The following RUBCN variants were observed in gnomAD, a reference collection of about 807,000 sequenced individuals.
RUBCN encodes run domain Beclin-1-interacting and cysteine-rich domain-containing protein.
A neutral mutation model predicts 113.2 loss-of-function variants in RUBCN; 74 were observed. That is an observed-to-expected ratio of 0.65 (90% confidence interval 0.54 to 0.79). RUBCN has a LOEUF of 0.79. Among genes scored for constraint, RUBCN ranks in the 30% least tolerant of loss-of-function variants. The pLI, the probability that RUBCN is intolerant of heterozygous loss-of-function variation, is 0.00. For synonymous variants in RUBCN, 480 were observed against 490.0 expected (o/e 0.98, Z 0.27); for missense variants, 1,109 against 1,251.7 (o/e 0.89, Z 1.72).
At chr3:197,735,372 T>TG (rs1250596081) in intron 1 of RUBCN, among the ~76,000 whole-genome samples, 13 of 152,370 alleles carry the variant, frequency 8.5e-5, no homozygotes, top group African/African-American at 3.1e-4. Flanking sequence ...GCGCTCAGCC[T>TG]GGGGGACAGG....
intron 11 of RUBCN, among the ~76,000 whole-genome samples, chr3:197,685,561 C>T (rs151212980): frequency 1.3e-5 from 2 of 152,288 alleles, no homozygotes; most frequent in East Asian, 3.9e-4. Flanking sequence ...CATATACAAA[C>T]ATATACTCAA....
At chr3:197,728,554 C>T (rs1329361951) in intron 1 of RUBCN, among the ~76,000 whole-genome samples, 1 of 152,210 alleles carries the variant, frequency 6.6e-6, no homozygotes, top group African/African-American at 2.4e-5. Flanking sequence ...CCAATGACAA[C>T]AGTTCCACTA....
rs374401834 is a variant in RUBCN, at chr3:197,717,984, C to T, written c.212G>A (p.Arg71His). 3.3e-5 allele frequency: 53 copies of T among 1,613,866 alleles called. No homozygotes were observed. In the African/African-American group the frequency reaches 4.4e-4, roughly 13 times the overall value. ...MQSILYHGLI[R>H]DQACRRQTDY... ...AAAAGGAGTTCTGCATACCTGGTCACGGATAAGCCCGTGATAGAGGATGCT... is the reference window on the plus strand; with the variant it reads ...AAAAGGAGTTCTGCATACCTGGTCATGGATAAGCCCGTGATAGAGGATGCT... Residue 71 changes from arginine (R) to histidine (H), a missense_variant, in exon 2 of 20, where the codon CGT becomes CAT. Physicochemically the swap from Arg to His is conservative, Grantham distance 29. Transcript: ENST00000296343.
At chr3:197,717,891 T>A in intron 2 of RUBCN, 86 bp downstream of exon 2, 1 of 1,459,858 alleles carries the variant, frequency 6.8e-7, no homozygotes, top group Non-Finnish European at 9.6e-7. Context: ...CACAGACCAG[T>A]GGCCTTCATC....
chr3:197,730,092 G>A (rs1727243278), intron 1 of RUBCN, among the ~76,000 whole-genome samples: 1 of 152,196 alleles, frequency 6.6e-6, no homozygotes, highest in South Asian at 2.1e-4. Context: ...AGAAGCTACT[G>A]AGGTAATCCC....
intron 2 of RUBCN, among the ~76,000 whole-genome samples, chr3:197,716,726 A>G (rs1032050752): frequency 6.6e-6 from 1 of 152,160 alleles, no homozygotes; most frequent in Non-Finnish European, 1.5e-5. Context: ...TGGATTGTCC[A>G]TGTGGGCCCA....
At chr3:197,723,988 C>CT (rs1726455083) in intron 1 of RUBCN, among the ~76,000 whole-genome samples, 1 of 152,048 alleles carries the variant, frequency 6.6e-6, no homozygotes, top group Non-Finnish European at 1.5e-5. Flanking sequence ...ATCCCAGCTA[C>CT]TCGAGAGGCT....
In RUBCN at chr3:197,736,677, C is replaced by G. The variant is rs1046937573; in HGVS notation, c.43G>C (p.Glu15Gln). ...CACCTGCTCTCCTCAGGCAGGCGCTCCTCGCCGCCTCCGAGCTCCATTCCC... is the reference window on the plus strand; with the variant it reads ...CACCTGCTCTCCTCAGGCAGGCGCTGCTCGCCGCCTCCGAGCTCCATTCCC... The part of the protein sequence containing the change: ...GAGMELGGGE[E>Q]RLPEESRREH... The change falls in exon 1 of 20, where the codon GAG becomes CAG. Residue 15 changes from glutamate to glutamine, a missense_variant. Around this residue, in one of 3 missense-constraint regions of RUBCN, gnomAD observed 736 missense variants for 779.6 expected, o/e 0.94. Coordinates refer to ENST00000296343, the MANE Select transcript of RUBCN (RefSeq NM_014687.4). 9.1e-6 allele frequency: 14 copies of G among 1,532,458 alleles called. No homozygotes were observed. The highest frequency in any genetic ancestry group is 1.1e-5 in the Non-Finnish European group (13 of 1,146,112). 94.9% of individuals were successfully genotyped at this position (1,532,458 alleles called of 1,614,324 possible).
intron 1 of RUBCN, among the ~76,000 whole-genome samples, chr3:197,725,897 C>T (rs1035209965): frequency 6.6e-6 from 1 of 152,072 alleles, no homozygotes; most frequent in African/African-American, 2.4e-5. Flanking sequence ...ACTTTGCTGC[C>T]CAGTACTCCT....
At chr3:197,749,289 G>A in exon 1 of RUBCN, 1 of 1,077,372 alleles carries the variant, frequency 9.3e-7, no homozygotes, top group South Asian at 2.4e-5. Context: ...GGAAGCTGAG[G>A]TCTTATTAGG....
At chr3:197,732,830 G>C (rs1727674215) in intron 1 of RUBCN, among the ~76,000 whole-genome samples, 1 of 152,212 alleles carries the variant, frequency 6.6e-6, no homozygotes, top group Non-Finnish European at 1.5e-5. Context: ...AGGAGCCACT[G>C]AAAGAGGAAG....
intron 16 of RUBCN, among the ~76,000 whole-genome samples, chr3:197,678,327 C>T (rs185288440): frequency 0.013 from 1,848 of 139,136 alleles, 44 homozygotes; most frequent in African/African-American, 0.048. Context: ...TGCTCTAACT[C>T]GACAACTGGC....
intron 2 of RUBCN, among the ~76,000 whole-genome samples, chr3:197,708,450 T>C (rs983255470): frequency 2.6e-5 from 4 of 151,484 alleles, no homozygotes; most frequent in African/African-American, 9.7e-5. Context: ...TGTAAACAAC[T>C]TGAACATTTA....
At chr3:197,730,290 A>G (rs1039048858) in intron 1 of RUBCN, among the ~76,000 whole-genome samples, 5 of 152,166 alleles carry the variant, frequency 3.3e-5, no homozygotes, top group Non-Finnish European at 4.4e-5. Flanking sequence ...CTTAGGCCTG[A>G]CTAAGCAGAA....
intron 7 of RUBCN, among the ~76,000 whole-genome samples, chr3:197,697,660 G>A (rs1410164318): frequency 1.3e-5 from 2 of 152,206 alleles, no homozygotes; most frequent in African/African-American, 2.4e-5. Context: ...CAATGCCTGG[G>A]ACAGGAAGAG....
chr3:197,727,935 T>C (rs1726940569), intron 1 of RUBCN, among the ~76,000 whole-genome samples: 1 of 152,264 alleles, frequency 6.6e-6, no homozygotes, highest in African/African-American at 2.4e-5. Context: ...AGTGTTTCAG[T>C]CTTTTCAGTT....
rs1719644575 is a variant in RUBCN, at chr3:197,670,110, A to G, written c.*4908T>C. Among the ~76,000 whole-genome samples, 2 of 152,054 alleles carry G rather than the reference A, an allele frequency of 1.3e-5. No individual in the cohort carries two copies. The highest frequency in any genetic ancestry group is 4.8e-5 in the African/African-American group (2 of 41,394). On this transcript the variant is annotated 3_prime_UTR_variant, in exon 20 of 20. Transcript: ENST00000296343. ...CACCATGTTGGCCAGGATGGTCCCA[A>G]TCTCTTGACCTCGTGATCCGCCCGC...
intron 16 of RUBCN, among the ~76,000 whole-genome samples, chr3:197,680,054 C>T (rs1469192745): frequency 6.6e-6 from 1 of 151,330 alleles, no homozygotes; most frequent in Non-Finnish European, 1.5e-5. Context: ...TGACAACTGG[C>T]TTCAGACTGT....
chr3:197,749,704 C>T (rs535995443), upstream of RUBCN: 197 of 634,022 alleles, frequency 3.1e-4, 3 homozygotes, highest in South Asian at 2.8e-3. Context: ...CTGCTCACAA[C>T]GGCGGTCCTC....
Sources: allele counts gnomAD v4.1 joint callset (sites outside exome capture counted in the v4.1 genomes callset), GRCh38; gene constraint gnomAD v4.1.1; regional missense constraint gnomAD v4.1.1; transcripts MANE v1.5; gene names NCBI Gene and HGNC (gene_info 2026-07-23, HGNC 2026-07-21).